RPA3: variants seen among roughly 807,000 people sequenced by gnomAD.
RPA3 encodes replication protein A3, also known as replication protein A 14 kDa subunit.
Under a neutral mutation model 13.7 loss-of-function variants are expected in RPA3, and 24 were observed. The observed-to-expected ratio is 1.75, with a 90% CI of 1.27 to 2.46. RPA3 has a LOEUF of 2.46. RPA3 is among the 30% of genes most tolerant of loss of function. The probability of loss-of-function intolerance (pLI) is 0.00; values close to 1 mark genes in which losing one functional copy is unlikely to be tolerated. For missense variants in RPA3, 183 were observed against 151.0 expected, an observed-to-expected ratio of 1.21 and a Z score of -1.11; for synonymous variants, 59 against 51.2, an observed-to-expected ratio of 1.15 and a Z score of -0.65.
intron 4 of RPA3, among the ~76,000 whole-genome samples, chr7:7,680,033 C>A (rs1300412017): frequency 6.6e-6 from 1 of 151,912 alleles, no homozygotes; most frequent in Non-Finnish European, 1.5e-5. Flanking sequence ...TGTGCAGAAG[C>A]CTTTTAACTT....
chr7:7,643,753 G>T (rs6972655), intron 4 of RPA3, among the ~76,000 whole-genome samples: 123,938 of 148,856 alleles, frequency 0.83, 51,618 homozygotes, highest in East Asian at 0.89. Context: ...AAGGATCAAC[G>T]GTTAAATCGG....
intron 4 of RPA3, among the ~76,000 whole-genome samples, chr7:7,677,339 C>T (rs1280896525): frequency 6.6e-6 from 1 of 152,040 alleles, no homozygotes; most frequent in African/African-American, 2.4e-5. Flanking sequence ...AATACTAGAT[C>T]TTATTCCTTC....
chr7:7,672,612 T>G (rs1241960523), intron 4 of RPA3, among the ~76,000 whole-genome samples: 1 of 152,162 alleles, frequency 6.6e-6, no homozygotes, highest in African/African-American at 2.4e-5. Context: ...GTGAGTGAGT[T>G]CTCATGAGAT....
intron 2 of RPA3, among the ~76,000 whole-genome samples, chr7:7,690,591 A>G (rs1780150115): frequency 6.6e-6 from 1 of 152,190 alleles, no homozygotes; most frequent in South Asian, 2.1e-4. Flanking sequence ...TTAGAGCTAA[A>G]AGGACATCTT....
intron 4 of RPA3, among the ~76,000 whole-genome samples, chr7:7,669,712 A>G (rs557602288): frequency 2.7e-4 from 41 of 152,298 alleles, no homozygotes; most frequent in Non-Finnish European, 5.6e-4. Flanking sequence ...TAGTAGGGGA[A>G]GGAGTTAAGT....
At chr7:7,638,999 T>C (rs1425374515) in intron 6 of RPA3, 71 bp downstream of exon 6, 2 of 1,232,668 alleles carry the variant, frequency 1.6e-6, no homozygotes, top group East Asian at 2.6e-5. Flanking sequence ...ATTAGAAACA[T>C]CGGCAACAAA....
At chr7:7,672,942 G>A (rs997732436) in intron 4 of RPA3, among the ~76,000 whole-genome samples, 8 of 152,146 alleles carry the variant, frequency 5.3e-5, no homozygotes, top group African/African-American at 2.4e-5. Context: ...ACCTGGACAG[G>A]TCTGTTTATT....
intron 2 of RPA3, among the ~76,000 whole-genome samples, chr7:7,692,859 G>A (rs1016744532): frequency 6.6e-6 from 1 of 152,066 alleles, no homozygotes; most frequent in African/African-American, 2.4e-5. Context: ...TGCCTGCCTC[G>A]GCTTCCCACA....
Position 7,637,083 on chromosome 7 carries a change from C to G in RPA3, c.284-1G>C. ...ACAGCTTCATTGTAAAGTCCAAGAT[C>G]TGAAAGAAACATTTAAGCAAACATT... On this transcript the variant is annotated splice_acceptor_variant, in intron 7 of 7. Transcript: ENST00000223129. LOFTEE classifies it high-confidence loss of function. 1 of 1,596,958 alleles carries G rather than the reference C, an allele frequency of 6.3e-7. No homozygotes were observed. The highest frequency in any genetic ancestry group is 8.6e-7 in the Non-Finnish European group (1 of 1,165,066).
In RPA3 at chr7:7,640,390, G is replaced by T; in HGVS notation, c.29C>A (p.Ser10Ter). The T allele has an allele frequency of 1.9e-6, 3 of 1,613,990 alleles. No homozygotes were observed. Among genetic ancestry groups the T allele is most frequent in the South Asian group, 2.2e-5 (2 of 91,074 alleles). MVDMMDLPR[S>*]RINAGMLAQF... ...AGCTAGCATGCCGGCGTTGATGCGC[G>T]ACCTGGGCAAGTCCATCATGTCCAC... Residue 10 changes from serine to a stop codon, truncating the protein, a stop_gained, in exon 5 of 8, where the codon TCG becomes TAG. Coordinates refer to ENST00000223129, the MANE Select transcript of RPA3 (RefSeq NM_002947.5). LOFTEE classifies it high-confidence loss of function.
At chr7:7,654,635 G>A (rs1785299188) in intron 4 of RPA3, among the ~76,000 whole-genome samples, 1 of 152,142 alleles carries the variant, frequency 6.6e-6, no homozygotes, top group Admixed American at 6.5e-5. Flanking sequence ...GGGTGCGGTG[G>A]CTCATGCTTG....
chr7:7,697,208 C>G (rs1413818700), intron 2 of RPA3, among the ~76,000 whole-genome samples: 1 of 152,150 alleles, frequency 6.6e-6, no homozygotes, highest in Non-Finnish European at 1.5e-5. Context: ...CACTTTGATA[C>G]ACTTTGCAAC....
chr7:7,714,415 T>C (rs931947688), intron 2 of RPA3, among the ~76,000 whole-genome samples: 1 of 152,248 alleles, frequency 6.6e-6, no homozygotes, highest in African/African-American at 2.4e-5. Flanking sequence ...AATTAAAATA[T>C]GAATTAAGAG....
chr7:7,641,425 T>G (rs899242907), intron 4 of RPA3: 1 of 152,288 alleles, frequency 6.6e-6, no homozygotes, highest in Admixed American at 6.5e-5. Flanking sequence ...TTTCCCCATC[T>G]GCAAAACGAA....
At chr7:7,709,182 C>T (rs1279462932) in intron 2 of RPA3, among the ~76,000 whole-genome samples, 1 of 152,088 alleles carries the variant, frequency 6.6e-6, no homozygotes, top group East Asian at 1.9e-4. Flanking sequence ...AATTGACTGT[C>T]TTTGTTTTCC....
chr7:7,664,078 A>G (rs1779369340), intron 4 of RPA3, among the ~76,000 whole-genome samples: 1 of 152,220 alleles, frequency 6.6e-6, no homozygotes, highest in Non-Finnish European at 1.5e-5. Context: ...ATTTGTAAAC[A>G]TCGTGAATTT....
At chr7:7,680,888 T>A (rs892878014) in intron 4 of RPA3, among the ~76,000 whole-genome samples, 3 of 152,164 alleles carry the variant, frequency 2.0e-5, no homozygotes, top group Non-Finnish European at 4.4e-5. Context: ...TGTATGTTGA[T>A]TTTGTATGCC....
intron 4 of RPA3, among the ~76,000 whole-genome samples, chr7:7,685,121 GT>G (rs906001452): frequency 6.6e-6 from 1 of 152,112 alleles, no homozygotes; most frequent in African/African-American, 2.4e-5. Context: ...AAAATGTACA[GT>G]ATGAATATTC....
intron 2 of RPA3, among the ~76,000 whole-genome samples, chr7:7,695,883 G>A (rs1329359602): frequency 6.6e-6 from 1 of 151,860 alleles, no homozygotes; most frequent in Admixed American, 6.6e-5. Context: ...CTAATGGTTG[G>A]ATTTAGTATC....
Sources: gnomAD v4.1 joint callset for allele counts (sites outside exome capture counted in the v4.1 genomes callset) on GRCh38, gnomAD v4.1.1 for gene constraint, MANE v1.5 for transcripts, NCBI Gene and HGNC (gene_info 2026-07-23, HGNC 2026-07-21) for gene names.